Variants in CCDC88C observed in about 807,000 individuals in gnomAD.
CCDC88C encodes the protein coiled-coil and HOOK domain protein 88C.
A neutral mutation model predicts 198.8 loss-of-function variants in CCDC88C; 131 were observed. That is an observed-to-expected ratio of 0.66 (90% confidence interval 0.57 to 0.76). The LOEUF (loss-of-function observed/expected upper bound fraction) is 0.76, where lower values mean the gene tolerates loss of function less well. Ranked by LOEUF, CCDC88C falls within the 30% of genes least tolerant of loss-of-function variation. The pLI is 0.00. For missense variants in CCDC88C, 2,553 were observed against 2,631.6 expected (o/e 0.97, Z 0.65); for synonymous variants, 1,166 against 1,114.7 (o/e 1.05, Z -0.92).
intron 21 of CCDC88C, among the ~76,000 whole-genome samples, chr14:91,298,800 C>G (rs1891141379): frequency 6.6e-6 from 1 of 152,118 alleles, no homozygotes; most frequent in Admixed American, 6.5e-5. Flanking sequence ...AGTTTCTAAC[C>G]CCCCGTATAC....
rs948182838 is a variant in CCDC88C, at chr14:91,275,775, G to A, written c.5059-2122C>T. Reference sequence around the variant, plus strand: ...ACCCAACTCAGCCTCCCAAAGTGCTGGAATGACAGGCATGAGCCACCGCTT... The same window carrying A: ...ACCCAACTCAGCCTCCCAAAGTGCTAGAATGACAGGCATGAGCCACCGCTT... On this transcript the variant is annotated intron_variant, in intron 29 of 29. Transcript: ENST00000389857. Among the ~76,000 whole-genome samples, 40 of 150,588 alleles carry A rather than the reference G, an allele frequency of 2.7e-4. No homozygotes were observed. The East Asian group carries it at 4.1e-3, about 15-fold the overall frequency.
chr14:91,278,466 A>C (rs1324282490), intron 28 of CCDC88C, among the ~76,000 whole-genome samples: 1 of 152,244 alleles, frequency 6.6e-6, no homozygotes, highest in East Asian at 1.9e-4. Flanking sequence ...GCTGTAAGGC[A>C]CTGCCCTTGT....
Position 91,310,207 on chromosome 14 carries a change from A to G in CCDC88C, c.2737-221T>C, listed in dbSNP as rs7155180. On this transcript the variant is annotated intron_variant, in intron 15 of 29. Transcript: ENST00000389857. ...CTGAAAACAACCAGACCAGGTGGCT[A>G]CATGTCAGGATGGATCTAATATGCC... 0.021 allele frequency among the ~76,000 whole-genome samples: 3,140 copies of G among 151,956 alleles called. 128 individuals are homozygous for G. The highest frequency in any genetic ancestry group is 0.072 in the African/African-American group (2,974 of 41,404).
At chr14:91,302,747 A>G (rs990310725) in intron 20 of CCDC88C, among the ~76,000 whole-genome samples, 70 of 152,174 alleles carry the variant, frequency 4.6e-4, no homozygotes, top group Admixed American at 1.8e-3. Flanking sequence ...CTTCCTTTCT[A>G]TATGTTCGGA....
chr14:91,376,327 G>A (rs1263660542), intron 3 of CCDC88C, among the ~76,000 whole-genome samples: 1 of 152,182 alleles, frequency 6.6e-6, no homozygotes, highest in African/African-American at 2.4e-5. Flanking sequence ...GCACACTCAT[G>A]ACTGCCTCGA....
Position 91,339,195 on chromosome 14 carries a change from C to G in CCDC88C, c.809+83G>C. On this transcript the variant is annotated intron_variant, in intron 8 of 29. Coordinates refer to ENST00000389857, the MANE Select transcript of CCDC88C (RefSeq NM_001080414.4). This position sits in a 1 kb window ranked among gnomAD's most constrained non-coding sequence, Gnocchi z 5.8. The stretch of plus-strand genomic sequence containing the variant: ...GCACACGTCAGAGCTGTGCCATTGG[C>G]AGCACCACACATGTGAGTCGACACC... 1.3e-6 allele frequency: 2 copies of G among 1,506,078 alleles called. No homozygotes were observed. Among genetic ancestry groups the G allele is most frequent in the Non-Finnish European group, 1.8e-6 (2 of 1,099,828 alleles). The allele number at this position is 1,506,078 out of a possible 1,614,324, so 93.3% of individuals were successfully genotyped here. A position where few individuals can be genotyped will look rare whatever the true frequency, so the allele number is the denominator to read the frequency against.
intron 29 of CCDC88C, among the ~76,000 whole-genome samples, chr14:91,274,045 C>T (rs868338537): frequency 6.6e-6 from 1 of 151,966 alleles, no homozygotes; most frequent in Admixed American, 6.5e-5. Context: ...CGGATATGAG[C>T]AGGGCCTTCC....
At chr14:91,405,354 G>T (rs1886427625) in intron 3 of CCDC88C, among the ~76,000 whole-genome samples, 1 of 152,166 alleles carries the variant, frequency 6.6e-6, no homozygotes, top group Non-Finnish European at 1.5e-5. Flanking sequence ...AAAGCCACAG[G>T]TGAGAGGGAG....
rs554362051 is a variant in CCDC88C at position 91,279,281 on chromosome 14, G to C, written c.4725C>G (p.Ser1575Arg). ...QYVSRPSSLE[S>R]SRNTSSNSSP... ...AGCTGTTGCTGGATGTGTTTCTACTGCTCTCTAAGCTACTTGGCCGCGACA... is the reference window on the plus strand; with the variant it reads ...AGCTGTTGCTGGATGTGTTTCTACTCCTCTCTAAGCTACTTGGCCGCGACA... The change falls in exon 28 of 30, where the codon AGC (serine) becomes AGG (arginine). Residue 1575 changes from serine to arginine, a missense_variant. Coordinates refer to ENST00000389857, the MANE Select transcript of CCDC88C (RefSeq NM_001080414.4). 5.6e-6 allele frequency: 9 copies of C among 1,602,594 alleles called. No individual in the cohort carries two copies. The Admixed American group carries it at 1.5e-4, about 27-fold the overall frequency.
chr14:91,337,411 T>C (rs574626152), intron 10 of CCDC88C, among the ~76,000 whole-genome samples: 1 of 152,360 alleles, frequency 6.6e-6, no homozygotes, highest in East Asian at 1.9e-4. Flanking sequence ...CATAGCTCAA[T>C]GCATTGCAGC....
Position 91,289,277 on chromosome 14 carries a change from C to T in CCDC88C, c.4269G>A (p.Arg1423=), listed in dbSNP as rs1890559547. Residue 1423 remains arginine (R), a synonymous_variant, in exon 25 of 30, where the codon AGG becomes AGA. Transcript: ENST00000389857. ...KLIKPKKEGS[R]ERLKSTVDSP... ...TGTCCACGGTGGATTTTAAGCGTTC[C>T]CTCGAACCCTCTTTCTTTGGTTTGA... The T allele has an allele frequency of 6.2e-7, 1 of 1,614,046 alleles. No homozygotes were observed. The highest frequency in any genetic ancestry group is 1.1e-5 in the South Asian group (1 of 91,088).
intron 26 of CCDC88C, among the ~76,000 whole-genome samples, chr14:91,282,581 G>C (rs1330828543): frequency 6.6e-6 from 1 of 152,096 alleles, no homozygotes; most frequent in Non-Finnish European, 1.5e-5. Context: ...AGATCTGACT[G>C]AGCCATTCTG....
intron 3 of CCDC88C, among the ~76,000 whole-genome samples, chr14:91,404,015 G>A (rs1316886142): frequency 6.6e-6 from 1 of 152,252 alleles, no homozygotes; most frequent in African/African-American, 2.4e-5. Context: ...GAGGACACAG[G>A]GTAAACCTGG....
At chr14:91,401,178 A>C (rs938535869) in intron 3 of CCDC88C, among the ~76,000 whole-genome samples, 1 of 149,198 alleles carries the variant, frequency 6.7e-6, no homozygotes, top group Non-Finnish European at 1.5e-5. Context: ...AGGTGTTGAG[A>C]TAACAGGTGA....
intron 24 of CCDC88C, among the ~76,000 whole-genome samples, chr14:91,290,616 T>C (rs185948876): frequency 3.3e-5 from 5 of 152,348 alleles, no homozygotes; most frequent in Non-Finnish European, 7.3e-5. Flanking sequence ...CTGGGCCAAG[T>C]GTGCTGCCCA....
chr14:91,390,233 C>T (rs981619405), intron 3 of CCDC88C, among the ~76,000 whole-genome samples: 4 of 152,178 alleles, frequency 2.6e-5, no homozygotes, highest in Non-Finnish European at 5.9e-5. Context: ...ATGACTGTCA[C>T]ACACATTCTT....
chr14:91,388,686 C>G (rs191155857), intron 3 of CCDC88C, among the ~76,000 whole-genome samples: 4 of 152,318 alleles, frequency 2.6e-5, no homozygotes, highest in African/African-American at 9.6e-5. Context: ...TAAAAAGGAT[C>G]GAAACACTCA....
intron 24 of CCDC88C, among the ~76,000 whole-genome samples, chr14:91,290,064 G>T (rs537908898): frequency 6.6e-6 from 1 of 152,280 alleles, no homozygotes; most frequent in Non-Finnish European, 1.5e-5. Context: ...TTGAGGTCAG[G>T]AGTTCGAGAC....
At position 91,417,319 on chromosome 14, in the gene CCDC88C, C is replaced by T. The variant is rs928801950; in HGVS notation, c.60+312G>A. The T allele has an allele frequency of 1.1e-5, 7 of 627,590 alleles. No individual in the cohort carries two copies. The East Asian group carries it at 1.4e-4, about 12-fold the overall frequency. 38.9% of individuals were successfully genotyped at this position (627,590 alleles called of 1,614,324 possible). A position where few individuals can be genotyped will look rare whatever the true frequency, so the allele number is the denominator to read the frequency against. On this transcript the variant is annotated intron_variant, in intron 1 of 29. Coordinates refer to ENST00000389857, the MANE Select transcript of CCDC88C (RefSeq NM_001080414.4). ...GCTAAACCCCAGGGACAGGAGTGAC[C>T]ACTGGGACCCGGTCCGCCCCGAGGC...
Sources: allele counts gnomAD v4.1 joint callset (sites outside exome capture counted in the v4.1 genomes callset), GRCh38; gene constraint gnomAD v4.1.1; non-coding constraint Gnocchi (gnomAD v3.1); transcripts MANE v1.5; gene names NCBI Gene and HGNC (gene_info 2026-07-23, HGNC 2026-07-21).